Variants in KIF26B observed in about 807,000 individuals in gnomAD.
KIF26B encodes kinesin-like protein KIF26B.
A neutral mutation model predicts 151.2 loss-of-function variants in KIF26B; 63 were observed. That is an observed-to-expected ratio of 0.42 (90% CI 0.34 to 0.51). KIF26B has a LOEUF of 0.51. Ranked by LOEUF, KIF26B falls within the 20% of genes least tolerant of loss-of-function variation. The probability of loss-of-function intolerance (pLI) is 0.07; values close to 1 mark genes in which losing one functional copy is unlikely to be tolerated. For missense variants in KIF26B, 2,813 were observed against 2,913.6 expected, an observed-to-expected ratio of 0.97 and a Z score of 0.79; for synonymous variants, 1,357 against 1,262.1, an observed-to-expected ratio of 1.08 and a Z score of -1.59.
At chr1:245,233,146 G>C (rs1033924860) in intron 2 of KIF26B, among the ~76,000 whole-genome samples, 1 of 152,196 alleles carries the variant, frequency 6.6e-6, no homozygotes, top group Non-Finnish European at 1.5e-5. Context: ...GACAAACAAT[G>C]TATGAGGCTC....
chr1:245,541,147 T>C (rs1661611773), intron 5 of KIF26B, among the ~76,000 whole-genome samples, 197 bp downstream of exon 5: 1 of 152,204 alleles, frequency 6.6e-6, no homozygotes, highest in African/African-American at 2.4e-5. Flanking sequence ...GACCTTCAGA[T>C]TGTAAGAGAT....
intron 5 of KIF26B, among the ~76,000 whole-genome samples, chr1:245,590,207 C>T (rs1340769903): frequency 6.6e-6 from 1 of 151,468 alleles, no homozygotes; most frequent in Non-Finnish European, 1.5e-5. Flanking sequence ...AACCACCCGG[C>T]GAGTCAGAGC....
rs2043942914 is a variant in KIF26B at position 245,646,117 on chromosome 1, G to T, written c.2099-4G>T. 2.5e-6 allele frequency: 4 copies of T among 1,613,544 alleles called. No individual in the cohort carries two copies. In the South Asian group the frequency reaches 3.3e-5, roughly 13 times the overall value. On this transcript the variant is annotated splice_polypyrimidine_tract_variant and splice_region_variant and intron_variant, in intron 9 of 14. Coordinates refer to ENST00000407071, the MANE Select transcript of KIF26B (RefSeq NM_018012.4). ...TTTCTCTTTTATCTTCTCCCCTGTG[G>T]TAGTGTCTGGAGGTCGCAGCCGCCT...
At chr1:245,629,205 C>A (rs1260627153) in intron 9 of KIF26B, among the ~76,000 whole-genome samples, 1 of 152,042 alleles carries the variant, frequency 6.6e-6, no homozygotes. Context: ...CTATTCCCAT[C>A]AAACTACACT....
intron 10 of KIF26B, 24 bp from the exon 11 acceptor site, chr1:245,684,209 A>T: frequency 6.2e-7 from 1 of 1,602,104 alleles, no homozygotes; most frequent in Non-Finnish European, 8.5e-7. Flanking sequence ...CCGCTAATGC[A>T]GCCTAATTCA....
chr1:245,567,896 TA>T (rs1424024924), intron 5 of KIF26B, among the ~76,000 whole-genome samples: 2 of 152,060 alleles, frequency 1.3e-5, no homozygotes, highest in African/African-American at 4.8e-5. Flanking sequence ...GAAAAGTTCT[TA>T]AAGGGGCCGG....
At chr1:245,362,524 A>G (rs1672848409) in intron 2 of KIF26B, among the ~76,000 whole-genome samples, 2 of 149,974 alleles carry the variant, frequency 1.3e-5, no homozygotes, top group African/African-American at 4.9e-5. Flanking sequence ...GCGACAGAGC[A>G]AGACTCCATC....
intron 4 of KIF26B, among the ~76,000 whole-genome samples, chr1:245,518,970 C>T (rs1449444850): frequency 6.6e-6 from 1 of 152,146 alleles, no homozygotes; most frequent in Non-Finnish European, 1.5e-5. Flanking sequence ...TCATAAAGCC[C>T]TTGTAACATG....
chr1:245,197,079 A>G (rs888253065), intron 2 of KIF26B, among the ~76,000 whole-genome samples: 2 of 152,326 alleles, frequency 1.3e-5, no homozygotes, highest in African/African-American at 4.8e-5. Context: ...GATTTTATTC[A>G]TATTAGAATC....
intron 2 of KIF26B, among the ~76,000 whole-genome samples, chr1:245,326,715 C>G (rs1199596129): frequency 1.3e-5 from 2 of 152,220 alleles, no homozygotes; most frequent in Non-Finnish European, 2.9e-5. Context: ...GTCAGGAGGA[C>G]AAGCTTTTGG....
chr1:245,400,484 G>C (rs1251145811), intron 3 of KIF26B, among the ~76,000 whole-genome samples: 1 of 128,428 alleles, frequency 7.8e-6, no homozygotes, highest in Middle Eastern at 4.1e-3. Flanking sequence ...CACATAGATA[G>C]TGAGTTTTTT....
intron 5 of KIF26B, among the ~76,000 whole-genome samples, chr1:245,582,133 C>G (rs2043180879): frequency 6.6e-6 from 1 of 152,124 alleles, no homozygotes; most frequent in Non-Finnish European, 1.5e-5. Context: ...TCAGACACAC[C>G]AGGGAGCCCG....
intron 9 of KIF26B, among the ~76,000 whole-genome samples, chr1:245,640,547 C>A (rs2103180707): frequency 6.6e-6 from 1 of 152,058 alleles, no homozygotes; most frequent in East Asian, 1.9e-4. Context: ...CTTCCTACTG[C>A]CATTTTATTA....
At chr1:245,700,674 G>A (rs773721346) in intron 14 of KIF26B, among the ~76,000 whole-genome samples, 7 of 152,174 alleles carry the variant, frequency 4.6e-5, no homozygotes, top group Non-Finnish European at 7.3e-5. Flanking sequence ...CATTTCCTTC[G>A]TGTCTGCTTG....
At chr1:245,194,531 C>T (rs930514512) in intron 2 of KIF26B, among the ~76,000 whole-genome samples, 1 of 152,176 alleles carries the variant, frequency 6.6e-6, no homozygotes, top group Admixed American at 6.5e-5. Context: ...CATGTGCCAC[C>T]ATGCCTGGCT....
chr1:245,483,550 T>C (rs1331296859), intron 4 of KIF26B, among the ~76,000 whole-genome samples: 2 of 151,890 alleles, frequency 1.3e-5, no homozygotes, highest in African/African-American at 4.8e-5. Flanking sequence ...GAAGTTTGCG[T>C]TGTTAACAAG....
chr1:245,355,926 C>T (rs1010982958), intron 2 of KIF26B, among the ~76,000 whole-genome samples: 15 of 152,132 alleles, frequency 9.9e-5, no homozygotes, highest in African/African-American at 3.6e-4. Flanking sequence ...CTTCCTTCTC[C>T]CTGCCTCCTC....
At chr1:245,347,887 G>T (rs1465899829) in intron 2 of KIF26B, among the ~76,000 whole-genome samples, 1 of 152,228 alleles carries the variant, frequency 6.6e-6, no homozygotes, top group African/African-American at 2.4e-5. Context: ...GCCAGTTACT[G>T]TTCTAAGTGT....
intron 2 of KIF26B, among the ~76,000 whole-genome samples, chr1:245,337,381 C>T (rs139184778): frequency 4.6e-5 from 7 of 151,776 alleles, no homozygotes; most frequent in African/African-American, 1.7e-4. Context: ...GGGGGTTCAC[C>T]ACATTGGCCA....
Sources: allele counts gnomAD v4.1 joint callset (sites outside exome capture counted in the v4.1 genomes callset), GRCh38; gene constraint gnomAD v4.1.1; transcripts MANE v1.5; gene names NCBI Gene and HGNC (gene_info 2026-07-23, HGNC 2026-07-21).